CELSR1: variants seen among roughly 807,000 people sequenced by gnomAD.
The protein encoded by CELSR1 is cadherin EGF LAG seven-pass G-type receptor 1.
CELSR1 carries 110 observed loss-of-function variants against 249.1 expected under a neutral mutation model. The observed-to-expected ratio is 0.44, with a 90% CI of 0.38 to 0.52. The LOEUF is 0.52. CELSR1 is among the 20% of genes least tolerant of loss of function. The probability of loss-of-function intolerance (pLI) is 0.00; values close to 1 mark genes in which losing one functional copy is unlikely to be tolerated. For synonymous variants in CELSR1, 2,113 were observed against 1,900.0 expected, an observed-to-expected ratio of 1.11 and a Z score of -2.92; for missense variants, 4,109 against 4,296.4, an observed-to-expected ratio of 0.96 and a Z score of 1.22.
chr22:46,457,718 G>C (rs1017636492), intron 2 of CELSR1, among the ~76,000 whole-genome samples: 1 of 152,250 alleles, frequency 6.6e-6, no homozygotes, highest in Non-Finnish European at 1.5e-5. Context: ...TGATGAGCAC[G>C]AGGGCGGACC....
Position 46,436,387 on chromosome 22 carries a change from G to T in CELSR1, c.4407-98C>A. ...CCAGCCGGAGGAGGGCAAGCACGTGGGGCTACGATTCAGGAAAGAATGGTG... is the reference window on the plus strand; with the variant it reads ...CCAGCCGGAGGAGGGCAAGCACGTGTGGCTACGATTCAGGAAAGAATGGTG... On this transcript the variant is annotated intron_variant, in intron 3 of 34. Coordinates refer to ENST00000674500, the MANE Select transcript of CELSR1 (RefSeq NM_001378328.1). This position sits in a 1 kb window ranked among gnomAD's most constrained non-coding sequence, Gnocchi z 5.9. 1 of 768,292 alleles carries T rather than the reference G, an allele frequency of 1.3e-6. No homozygotes were observed. Among genetic ancestry groups the T allele is most frequent in the South Asian group, 1.6e-5 (1 of 62,048 alleles). 47.6% of individuals were successfully genotyped at this position (768,292 alleles called of 1,614,324 possible). A position where few individuals can be genotyped will look rare whatever the true frequency, so the allele number is the denominator to read the frequency against.
At position 46,447,815 on chromosome 22, in the gene CELSR1, T is replaced by G. The variant is rs957173686; in HGVS notation, c.4184-8404A>C. ...TTGTATTTTAAGTAGAGACGGGGTT[T>G]CACCATGTTGGCCAGGCTGGTCTCG... On this transcript the variant is annotated intron_variant, in intron 2 of 34. Transcript: ENST00000674500. The surrounding 1 kb of genome is among the most constrained non-coding windows in gnomAD (Gnocchi z 4.7). Among the ~76,000 whole-genome samples, 2 of 152,170 alleles carry G rather than the reference T, an allele frequency of 1.3e-5. No individual in the cohort carries two copies. Among genetic ancestry groups the G allele is most frequent in the African/African-American group, 4.8e-5 (2 of 41,444 alleles).
Position 46,484,531 on chromosome 22 carries a change from CCT to C in CELSR1, c.3545-20188_3545-20187del, listed in dbSNP as rs1046047926. Among the ~76,000 whole-genome samples the C allele has an allele frequency of 1.1e-3, 159 of 151,158 alleles. No individual in the cohort carries two copies. Among genetic ancestry groups the C allele is most frequent in the African/African-American group, 3.8e-3 (155 of 41,264 alleles). ...GAGAGGCTATATTAAGCCACTGACC[CCT>C]GATAGGGTTAGTGCCTCAAGTTAGA... On this transcript the variant is annotated intron_variant, in intron 1 of 34. Coordinates refer to ENST00000674500, the MANE Select transcript of CELSR1 (RefSeq NM_001378328.1). The surrounding 1 kb of genome is among the most constrained non-coding windows in gnomAD (Gnocchi z 4.5).
rs2079838249 is a variant in CELSR1, at chr22:46,447,886, C to CA, written c.4184-8476_4184-8475insT. Among the ~76,000 whole-genome samples the CA allele has an allele frequency of 1.3e-5, 2 of 152,196 alleles. No individual in the cohort carries two copies. Among genetic ancestry groups the CA allele is most frequent in the Non-Finnish European group, 2.9e-5 (2 of 68,032 alleles). On this transcript the variant is annotated intron_variant, in intron 2 of 34. Coordinates refer to ENST00000674500, the MANE Select transcript of CELSR1 (RefSeq NM_001378328.1). The surrounding 1 kb of genome is among the most constrained non-coding windows in gnomAD (Gnocchi z 4.7). ...CTGCTCGCCTTAGCCTCCCAAAGTG[C>CA]TGGGATTACAGGTGCGAGCCACCAC... is the stretch of plus-strand genomic sequence containing the variant.
chr22:46,368,211 A>G (rs73448947), intron 27 of CELSR1, among the ~76,000 whole-genome samples: 24,713 of 152,164 alleles, frequency 0.16, 4,412 homozygotes, highest in African/African-American at 0.45. Flanking sequence ...AGAGCCCAGG[A>G]CCTGCCCTTG....
rs11704506 is a variant in CELSR1 at position 46,409,875 on chromosome 22, C to T, written c.4939G>A (p.Ala1647Thr). ...CCATCGCAGAAGTTCCTCCGAGCAG[C>T]GCAGCCTGGCAACACAGAGCGTGCG... ...IANNGTREGCAARRNFCDGRR... is the reference protein window; with the variant it reads ...IANNGTREGCTARRNFCDGRR... Residue 1647 changes from alanine (A) to threonine (T), a missense_variant, in exon 8 of 35, where the codon GCT (alanine) becomes ACT (threonine). Physicochemically the swap from Ala to Thr is moderately conservative, Grantham distance 58 (BLOSUM62 0). Around this residue, in one of 7 missense-constraint regions of CELSR1, gnomAD observed 453 missense variants for 492.0 expected, o/e 0.92. Coordinates refer to ENST00000674500, the MANE Select transcript of CELSR1 (RefSeq NM_001378328.1). The surrounding 1 kb of genome is among the most constrained non-coding windows in gnomAD (Gnocchi z 9.8). 0.03 allele frequency: 48,901 copies of T among 1,612,896 alleles called. 899 individuals carry two copies. Among genetic ancestry groups the T allele is most frequent in the Non-Finnish European group, 0.036 (42,378 of 1,179,954 alleles).
rs1286144040 is a variant in CELSR1, at chr22:46,395,029, C to T, written c.5844-767G>A. Among the ~76,000 whole-genome samples, 3 of 152,224 alleles carry T rather than the reference C, an allele frequency of 2.0e-5. No individual in the cohort carries two copies. The South Asian group carries it at 6.2e-4, about 32-fold the overall frequency. On this transcript the variant is annotated intron_variant, in intron 13 of 34. Coordinates refer to ENST00000674500, the MANE Select transcript of CELSR1 (RefSeq NM_001378328.1). The surrounding 1 kb of genome is among the most constrained non-coding windows in gnomAD (Gnocchi z 5.5). ...TGTCCTGCGGGCTCCTGCAATCCCC[C>T]CTGGCTAACCAAGTTCCCTCCACCC...
chr22:46,465,329 C>T (rs929682080), intron 1 of CELSR1, among the ~76,000 whole-genome samples: 1 of 151,928 alleles, frequency 6.6e-6, no homozygotes, highest in Non-Finnish European at 1.5e-5. Context: ...CCATGAGGCC[C>T]CCTGCCCATG....
intron 1 of CELSR1, among the ~76,000 whole-genome samples, chr22:46,482,643 A>T (rs2080277519): frequency 1.3e-5 from 2 of 152,056 alleles, no homozygotes; most frequent in South Asian, 4.2e-4. Flanking sequence ...TGAACCCAGG[A>T]GGCAAAGGTT....
rs1414773655 is a variant in CELSR1, at chr22:46,367,094, A to G, written c.8104T>C (p.Cys2702Arg). Residue 2702 changes from cysteine to arginine, a missense_variant, in exon 29 of 35, where the codon TGC (cysteine) becomes CGC (arginine). By Grantham distance (180) the Cys-to-Arg change is radical. Around this residue, in one of 7 missense-constraint regions of CELSR1, gnomAD observed 1,805 missense variants for 1,831.6 expected, o/e 0.99. Coordinates refer to ENST00000674500, the MANE Select transcript of CELSR1 (RefSeq NM_001378328.1). ...LQGPFVLLFHCVLNQEVRKHL... is the reference protein window; with the variant it reads ...LQGPFVLLFHRVLNQEVRKHL... ...TTCCGGACCTCCTGGTTGAGCACGC[A>G]GTGGAAAAGGAGGACGAAGGGGCCC... 1.2e-6 allele frequency: 2 copies of G among 1,611,438 alleles called. No homozygotes were observed. The highest frequency in any genetic ancestry group is 2.2e-5 in the East Asian group (1 of 44,882).
rs542560491 is a variant in CELSR1, at chr22:46,427,402, T to G, written c.4611+5991A>C. On this transcript the variant is annotated intron_variant, in intron 5 of 34. Transcript: ENST00000674500. This position sits in a 1 kb window ranked among gnomAD's most constrained non-coding sequence, Gnocchi z 4.2. ...AAGTACAAAAATTAACCGGGTGTGG[T>G]GGCGCGCACCTGTAAACCCAGCTAC... 2.6e-5 allele frequency among the ~76,000 whole-genome samples: 4 copies of G among 152,334 alleles called. No homozygotes were observed. Among genetic ancestry groups the G allele is most frequent in the Admixed American group, 2.0e-4 (3 of 15,302 alleles).
intron 1 of CELSR1, among the ~76,000 whole-genome samples, chr22:46,531,936 C>A (rs1404504531): frequency 7.7e-6 from 1 of 130,500 alleles, no homozygotes; most frequent in Non-Finnish European, 1.6e-5. Flanking sequence ...AGGAGCAGAG[C>A]CAATAACTGG....
At position 46,445,781 on chromosome 22, in the gene CELSR1, T is replaced by G. The variant is rs2079812511; in HGVS notation, c.4184-6370A>C. Among the ~76,000 whole-genome samples the G allele has an allele frequency of 6.6e-6, 1 of 152,144 alleles. No individual in the cohort carries two copies. The highest frequency in any genetic ancestry group is 1.5e-5 in the Non-Finnish European group (1 of 68,016). On this transcript the variant is annotated intron_variant, in intron 2 of 34. Transcript: ENST00000674500. The surrounding 1 kb of genome is among the most constrained non-coding windows in gnomAD (Gnocchi z 4.4). ...TGGCAGAGCCTTTCCCGTCGATGCT[T>G]CGGAGGTGGAAGCGTCCAGGACTCC...
In CELSR1 at chr22:46,402,436, C is replaced by T. The variant is rs563562066; in HGVS notation, c.5227-2534G>A. Among the ~76,000 whole-genome samples the T allele has an allele frequency of 2.2e-4, 33 of 152,046 alleles. No homozygotes were observed. Among genetic ancestry groups the T allele is most frequent in the Non-Finnish European group, 3.1e-4 (21 of 68,018 alleles). On this transcript the variant is annotated intron_variant, in intron 9 of 34. Coordinates refer to ENST00000674500, the MANE Select transcript of CELSR1 (RefSeq NM_001378328.1). The surrounding 1 kb of genome is among the most constrained non-coding windows in gnomAD (Gnocchi z 5.0). ...TTCTCCATGTTGGTCAGGCTGGTCT[C>T]GAACTCCTGACCTCAGGTGATCTGC...
rs964302780 is a variant in CELSR1 at position 46,412,817 on chromosome 22, G to A, written c.4612-1058C>T. 3.1e-4 allele frequency among the ~76,000 whole-genome samples: 47 copies of A among 152,166 alleles called. No homozygotes were observed. Among genetic ancestry groups the A allele is most frequent in the African/African-American group, 1.0e-3 (42 of 41,436 alleles). ...AACACAGTTGGTGCCAGCTCCAACC[G>A]GGACAGGCAACAGAATGTCTTTCAT... On this transcript the variant is annotated intron_variant, in intron 5 of 34. Coordinates refer to ENST00000674500, the MANE Select transcript of CELSR1 (RefSeq NM_001378328.1). The surrounding 1 kb of genome is among the most constrained non-coding windows in gnomAD (Gnocchi z 4.5).
chr22:46,475,927 GC>G (rs2080203609), intron 1 of CELSR1, among the ~76,000 whole-genome samples: 1 of 152,036 alleles, frequency 6.6e-6, no homozygotes, highest in Non-Finnish European at 1.5e-5. Context: ...CCTTCTGGAA[GC>G]CTGAAATAAT....
chr22:46,390,414 G>C lies in CELSR1; in HGVS notation c.6323C>G (p.Ser2108Cys). Residue 2108 changes from serine to cysteine, a missense_variant, in exon 17 of 35, where the codon TCC becomes TGC. Transcript: ENST00000674500. The surrounding 1 kb of genome is among the most constrained non-coding windows in gnomAD (Gnocchi z 6.3). ...TACCATGGCCCTGAGGTCCACGAAGGAGATGGTGGTACAGTTAAAGAGCTC... is the reference window on the plus strand; with the variant it reads ...TACCATGGCCCTGAGGTCCACGAAGCAGATGGTGGTACAGTTAAAGAGCTC... ...PPELFNCTTI[S>C]FVDLRAMNEK... is the part of the protein sequence containing the mutation. 6.2e-7 allele frequency: 1 copy of C among 1,613,748 alleles called. No homozygotes were observed. The highest frequency in any genetic ancestry group is 8.5e-7 in the Non-Finnish European group (1 of 1,179,876).
intron 1 of CELSR1, among the ~76,000 whole-genome samples, chr22:46,525,322 G>A (rs1023885276): frequency 4.6e-5 from 7 of 152,066 alleles, no homozygotes; most frequent in Admixed American, 4.6e-4. Context: ...GGTGGTGCGC[G>A]CCTGTCATCT....
At position 46,380,762 on chromosome 22, in the gene CELSR1, C is replaced by T. The variant is rs764354276; in HGVS notation, c.7256+26G>A. 4.4e-6 allele frequency: 7 copies of T among 1,605,642 alleles called. No homozygotes were observed. The Admixed American group carries it at 1.2e-4, about 27-fold the overall frequency. On this transcript the variant is annotated intron_variant, in intron 22 of 34. Coordinates refer to ENST00000674500, the MANE Select transcript of CELSR1 (RefSeq NM_001378328.1). This position sits in a 1 kb window ranked among gnomAD's most constrained non-coding sequence, Gnocchi z 5.1. ...GCACTCTGCCTTGGCAAAGCCCTCA[C>T]ATGGGGCTCCTGGCGTCACACTTAC...
Sources: gnomAD v4.1 joint callset for allele counts (sites outside exome capture counted in the v4.1 genomes callset) on GRCh38, gnomAD v4.1.1 for gene constraint, gnomAD v4.1.1 regional missense constraint, Gnocchi (gnomAD v3.1) non-coding constraint, MANE v1.5 for transcripts, NCBI Gene and HGNC (gene_info 2026-07-23, HGNC 2026-07-21) for gene names.